Variants in DAB2 observed in about 807,000 individuals in gnomAD.
The protein encoded by DAB2 is disabled homolog 2.
A neutral mutation model predicts 71.6 loss-of-function variants in DAB2; 28 were observed. The ratio of observed to expected loss-of-function variants is 0.39; its 90% CI spans 0.29 to 0.54. DAB2 has a LOEUF of 0.54. Among genes scored for constraint, DAB2 ranks in the 20% least tolerant of loss-of-function variants. The probability of loss-of-function intolerance (pLI) is 0.68; values close to 1 mark genes in which losing one functional copy is unlikely to be tolerated. For synonymous variants in DAB2, 345 were observed against 339.7 expected, an observed-to-expected ratio of 1.02 and a Z score of -0.17; for missense variants, 867 against 928.8, an observed-to-expected ratio of 0.93 and a Z score of 0.86.
chr5:39,374,725 T>G, intron 14 of DAB2: 1 of 317,412 alleles, frequency 3.2e-6, no homozygotes, highest in Non-Finnish European at 5.7e-6. Flanking sequence ...ATGTGTTGTT[T>G]TGAGTTTTAC....
chr5:39,374,299 C>T (rs777758461), intron 14 of DAB2, among the ~76,000 whole-genome samples: 4 of 141,948 alleles, frequency 2.8e-5, no homozygotes, highest in Non-Finnish European at 6.4e-5. Context: ...GTTCCTTTCC[C>T]TACTAAATTC....
At chr5:39,379,831 T>C (rs916478769) in intron 11 of DAB2, among the ~76,000 whole-genome samples, 9 of 151,860 alleles carry the variant, frequency 5.9e-5, no homozygotes, top group Admixed American at 2.0e-4. Flanking sequence ...ACAGGGACTA[T>C]ACTGTAGAGC....
intron 11 of DAB2, among the ~76,000 whole-genome samples, chr5:39,379,901 C>A (rs890871305): frequency 1.3e-5 from 2 of 152,164 alleles, no homozygotes; most frequent in Non-Finnish European, 2.9e-5. Flanking sequence ...GTTGTATACC[C>A]CAAGCCCTCA....
chr5:39,419,259 G>A (rs1257236826), intron 1 of DAB2, among the ~76,000 whole-genome samples: 1 of 152,156 alleles, frequency 6.6e-6, no homozygotes, highest in Non-Finnish European at 1.5e-5. Flanking sequence ...CACACATGAG[G>A]AAGACTTTTG....
At chr5:39,387,382 C>A (rs1172658547) in intron 9 of DAB2, among the ~76,000 whole-genome samples, 2 of 152,070 alleles carry the variant, frequency 1.3e-5, no homozygotes, top group African/African-American at 4.8e-5. Context: ...AATCTAGAAA[C>A]TCACTCCTGC....
chr5:39,383,058 T>A lies in DAB2; in HGVS notation c.901A>T (p.Thr301Ser). ...GAAGGTGTCGATTGGTCTGGCTGTG[T>A]GAAAGGATCGTCACGGAAAGGATCA... Reference protein sequence around the residue: ...NPDPFRDDPFTQPDQSTPSSF... With the variant: ...NPDPFRDDPFSQPDQSTPSSF... Residue 301 changes from threonine (T) to serine (S), a missense_variant, in exon 10 of 15, where the codon ACA becomes TCA. By Grantham distance (58) the Thr-to-Ser change is moderately conservative. This residue lies in a region of DAB2 where 740 missense variants were observed against 734.3 expected (regional missense o/e 1.01). Transcript: ENST00000320816. The A allele has an allele frequency of 6.2e-7, 1 of 1,614,080 alleles. No individual in the cohort carries two copies. Among genetic ancestry groups the A allele is most frequent in the Non-Finnish European group, 8.5e-7 (1 of 1,180,008 alleles).
intron 1 of DAB2, among the ~76,000 whole-genome samples, chr5:39,415,006 A>G (rs1208393409): frequency 6.6e-6 from 1 of 152,062 alleles, no homozygotes; most frequent in African/African-American, 2.4e-5. Flanking sequence ...AACTGATGCT[A>G]TGTGTTTTGG....
Position 39,382,712 on chromosome 5 carries a change from A to G in DAB2, c.1247T>C (p.Leu416Ser), listed in dbSNP as rs771099589. Residue 416 changes from leucine (L) to serine (S), a missense_variant, in exon 10 of 15, where the codon TTG (leucine) becomes TCG (serine). Leu to Ser is a moderately radical substitution (Grantham distance 145). Coordinates refer to ENST00000320816, the MANE Select transcript of DAB2 (RefSeq NM_001343.4). ...TGGTGAGGACTGGACAGAGCTTTCC[A>G]AGTCCTGCTTTACGCCATTCTGTAT... ...LSIQNGVKQDLESSVQSSPHD... is the reference protein window; with the variant it reads ...LSIQNGVKQDSESSVQSSPHD... 6.2e-7 allele frequency: 1 copy of G among 1,614,180 alleles called. No individual in the cohort carries two copies. The highest frequency in any genetic ancestry group is 1.1e-5 in the South Asian group (1 of 91,084).
intron 14 of DAB2, among the ~76,000 whole-genome samples, chr5:39,374,028 G>A (rs756373374): frequency 6.6e-6 from 1 of 152,146 alleles, no homozygotes; most frequent in Non-Finnish European, 1.5e-5. Context: ...AGGAAACACA[G>A]TCATTGTAGA....
chr5:39,419,262 G>A (rs1001359791), intron 1 of DAB2, among the ~76,000 whole-genome samples: 11 of 152,180 alleles, frequency 7.2e-5, no homozygotes, highest in African/African-American at 2.2e-4. Flanking sequence ...ACATGAGGAA[G>A]ACTTTTGTTT....
intron 11 of DAB2, among the ~76,000 whole-genome samples, chr5:39,378,699 A>G (rs1203417227): frequency 6.6e-6 from 1 of 152,202 alleles, no homozygotes; most frequent in African/African-American, 2.4e-5. Flanking sequence ...GTGCAAGAAT[A>G]TTCATTAAAA....
At position 39,386,771 on chromosome 5, in the gene DAB2, C is replaced by T. The variant is rs150926811; in HGVS notation, c.687+1534G>A. On this transcript the variant is annotated intron_variant, in intron 9 of 14. Transcript: ENST00000320816. ...CTTCATATCTTGAGTGCTTTGCTCTCTTTGAATATTACTTGTTTGAATGTC... is the reference window on the plus strand; with the variant it reads ...CTTCATATCTTGAGTGCTTTGCTCTTTTTGAATATTACTTGTTTGAATGTC... Among the ~76,000 whole-genome samples, 15 of 152,242 alleles carry T rather than the reference C, an allele frequency of 9.9e-5. No homozygotes were observed. In the East Asian group the frequency reaches 2.7e-3, roughly 27 times the overall value.
intron 10 of DAB2, among the ~76,000 whole-genome samples, chr5:39,382,011 G>T (rs902088518): frequency 6.6e-6 from 1 of 152,190 alleles, no homozygotes; most frequent in African/African-American, 2.4e-5. Flanking sequence ...TCTACATAGA[G>T]ATCATAGGGT....
intron 1 of DAB2, among the ~76,000 whole-genome samples, chr5:39,415,120 G>A (rs1052039539): frequency 6.6e-6 from 1 of 152,118 alleles, no homozygotes; most frequent in Admixed American, 6.6e-5. Flanking sequence ...ATAAATTGCT[G>A]TATTGATATC....
In DAB2 at chr5:39,375,044, T is replaced by G. The variant is rs1579896281; in HGVS notation, c.2288A>C (p.Asp763Ala). 2 of 1,611,916 alleles carry G rather than the reference T, an allele frequency of 1.2e-6. No individual in the cohort carries two copies. The highest frequency in any genetic ancestry group is 4.5e-5 in the East Asian group (2 of 44,788). The change falls in exon 14 of 15, where the codon GAT becomes GCT. Residue 763 changes from aspartate (D) to alanine (A), a missense_variant. Physicochemically the swap from Asp to Ala is moderately radical, Grantham distance 126. Transcript: ENST00000320816. ...TTAGGCAAAAGGATTTCCAAATGGATCCCTATACATCTCAGAAGATACAGG... is the reference window on the plus strand; with the variant it reads ...TTAGGCAAAAGGATTTCCAAATGGAGCCCTATACATCTCAGAAGATACAGG... ...SQPVSSEMYR[D>A]PFGNPFA is the part of the protein sequence containing the mutation.
Position 39,382,747 on chromosome 5 carries a change from T to A in DAB2, c.1212A>T (p.Lys404Asn). ...TTACGCCATTCTGTATGGACAGTCC[T>A]TTGGGAGGGCTTCCCACAAAAGGGT... ...SPNPFVGSPP[K>N]GLSIQNGVKQ... Residue 404 changes from lysine to asparagine, a missense_variant, in exon 10 of 15, where the codon AAA (lysine) becomes AAT (asparagine). By Grantham distance (94) the Lys-to-Asn change is moderately conservative. Transcript: ENST00000320816. The A allele has an allele frequency of 6.2e-7, 1 of 1,614,156 alleles. No homozygotes were observed. Among genetic ancestry groups the A allele is most frequent in the Non-Finnish European group, 8.5e-7 (1 of 1,180,016 alleles).
intron 1 of DAB2, among the ~76,000 whole-genome samples, chr5:39,416,051 C>T (rs928730529): frequency 1.3e-5 from 2 of 151,834 alleles, no homozygotes; most frequent in African/African-American, 4.8e-5. Flanking sequence ...CTCCTCCCTC[C>T]CCATCATATT....
In DAB2 at chr5:39,394,448, G is replaced by A. The variant is rs757163552; in HGVS notation, c.-101-27C>T. The A allele has an allele frequency of 3.7e-4, 264 of 720,764 alleles. 1 individual carries two copies. The highest frequency in any genetic ancestry group is 5.0e-4 in the Non-Finnish European group (202 of 401,570). The allele number at this position is 720,764 out of a possible 1,614,324, so 44.6% of individuals were successfully genotyped here. On this transcript the variant is annotated intron_variant, in intron 1 of 14. Coordinates refer to ENST00000320816, the MANE Select transcript of DAB2 (RefSeq NM_001343.4). ...TGTAGGCAGAGTTTAGAGGCATATT[G>A]AGATCAGAACACAGCAGACCCAGAC...
chr5:39,376,220 T>C, intron 12 of DAB2, 114 bp from the exon 13 acceptor site: 1 of 761,750 alleles, frequency 1.3e-6, no homozygotes, highest in Admixed American at 2.7e-5. Flanking sequence ...TTTACATCAG[T>C]GGAACAAAAA....
Sources: allele counts gnomAD v4.1 joint callset (sites outside exome capture counted in the v4.1 genomes callset), GRCh38; gene constraint gnomAD v4.1.1; regional missense constraint gnomAD v4.1.1; transcripts MANE v1.5; gene names NCBI Gene and HGNC (gene_info 2026-07-23, HGNC 2026-07-21).